LGSN: variants seen among roughly 807,000 people sequenced by gnomAD.
The protein encoded by LGSN is lengsin.
A neutral mutation model predicts 19.5 loss-of-function variants in LGSN; 21 were observed. That is an observed-to-expected ratio of 1.07 (90% CI 0.76 to 1.55). The LOEUF (loss-of-function observed/expected upper bound fraction) is 1.55. LGSN is among the 40% of genes most tolerant of loss of function. The pLI is 0.00. For missense variants in LGSN, 673 were observed against 608.5 expected (o/e 1.11, Z -1.12); for synonymous variants, 257 against 215.6 (o/e 1.19, Z -1.68).
At chr6:63,499,853 T>C in the LGSN span, among the ~76,000 whole-genome samples, 3 of 152,214 alleles carry the variant, frequency 2.0e-5, no homozygotes, top group Non-Finnish European at 2.9e-5. Flanking sequence ...GGTCTATATG[T>C]CCAATTTACA....
At chr6:63,511,771 T>C in the LGSN span, among the ~76,000 whole-genome samples, 3 of 152,334 alleles carry the variant, frequency 2.0e-5, 1 homozygote, top group Middle Eastern at 3.4e-3. Flanking sequence ...GTAATTTTTC[T>C]TATGCTTCTT....
the LGSN span, among the ~76,000 whole-genome samples, chr6:63,500,824 C>T: frequency 6.6e-6 from 1 of 151,686 alleles, no homozygotes; most frequent in African/African-American, 2.4e-5. Context: ...GCTTCCTGGG[C>T]TCAAGTGATT....
At chr6:63,436,002 GCT>G in the LGSN span, among the ~76,000 whole-genome samples, 1 of 150,102 alleles carries the variant, frequency 6.7e-6, no homozygotes, top group African/African-American at 2.5e-5. Context: ...CAGCCATACT[GCT>G]CTTTTTTGTG....
the LGSN span, chr6:63,550,295 A>G: frequency 2.0e-5 from 3 of 152,228 alleles, no homozygotes; most frequent in Admixed American, 1.3e-4. Flanking sequence ...AATGTAATCA[A>G]CCAGGGCAGT....
At chr6:63,505,811 C>T in the LGSN span, among the ~76,000 whole-genome samples, 8 of 152,050 alleles carry the variant, frequency 5.3e-5, no homozygotes, top group African/African-American at 1.7e-4. Flanking sequence ...AGGTGTGCAC[C>T]ACCACGCCCG....
the LGSN span, among the ~76,000 whole-genome samples, chr6:63,375,977 T>C: frequency 6.6e-6 from 1 of 152,162 alleles, no homozygotes; most frequent in African/African-American, 2.4e-5. Flanking sequence ...TTATTTTGCC[T>C]AGGGATTAAG....
At chr6:63,493,680 A>G in the LGSN span, among the ~76,000 whole-genome samples, 1 of 151,508 alleles carries the variant, frequency 6.6e-6, no homozygotes, top group South Asian at 2.1e-4. Context: ...TTCCTCAACC[A>G]TCTCTTCCTG....
chr6:63,424,586 C>T, the LGSN span, among the ~76,000 whole-genome samples: 1 of 151,256 alleles, frequency 6.6e-6, no homozygotes, highest in Non-Finnish European at 1.5e-5. Flanking sequence ...AATACATATC[C>T]AAGAAAGGAC....
At chr6:63,495,076 A>G in the LGSN span, among the ~76,000 whole-genome samples, 2 of 152,128 alleles carry the variant, frequency 1.3e-5, no homozygotes, top group Non-Finnish European at 2.9e-5. Flanking sequence ...ACTGTCCACT[A>G]TTGACACAGC....
chr6:63,383,900 C>G, the LGSN span, among the ~76,000 whole-genome samples: 9 of 152,104 alleles, frequency 5.9e-5, no homozygotes, highest in South Asian at 2.1e-4. Context: ...ATTGAGCCAC[C>G]CTTTCAAACT....
chr6:63,323,356 A>G (rs1270945385), upstream of LGSN, among the ~76,000 whole-genome samples: 2 of 152,098 alleles, frequency 1.3e-5, no homozygotes, highest in East Asian at 1.9e-4. Context: ...AATAGTATAC[A>G]TTGTACCTGT....
At chr6:63,368,163 G>A in the LGSN span, among the ~76,000 whole-genome samples, 6 of 151,914 alleles carry the variant, frequency 3.9e-5, no homozygotes, top group Non-Finnish European at 7.4e-5. Context: ...TTGACTTTTC[G>A]TTGTTTTTTC....
chr6:63,523,055 G>C, the LGSN span, among the ~76,000 whole-genome samples: 1 of 151,732 alleles, frequency 6.6e-6, no homozygotes, highest in African/African-American at 2.4e-5. Flanking sequence ...AGCAGACATG[G>C]GGTTTCACCT....
chr6:63,527,374 A>G, the LGSN span, among the ~76,000 whole-genome samples: 54 of 152,294 alleles, frequency 3.5e-4, no homozygotes, highest in East Asian at 0.01. Context: ...GACCTTGCAT[A>G]GAATATTGAC....
At chr6:63,385,526 T>C in the LGSN span, among the ~76,000 whole-genome samples, 1 of 152,242 alleles carries the variant, frequency 6.6e-6, no homozygotes, top group East Asian at 1.9e-4. Context: ...GCTAAGGCTG[T>C]TTCAGCAGTT....
the LGSN span, among the ~76,000 whole-genome samples, chr6:63,421,170 C>T: frequency 6.6e-6 from 1 of 151,802 alleles, no homozygotes; most frequent in Non-Finnish European, 1.5e-5. Flanking sequence ...GCCTGTAATC[C>T]CAGCATTTTG....
At chr6:63,499,162 C>T in the LGSN span, among the ~76,000 whole-genome samples, 3 of 152,040 alleles carry the variant, frequency 2.0e-5, no homozygotes, top group East Asian at 5.8e-4. Flanking sequence ...CCTGTTTAAG[C>T]CTTGTATAAC....
the LGSN span, among the ~76,000 whole-genome samples, chr6:63,522,153 T>A: frequency 6.6e-6 from 1 of 152,226 alleles, no homozygotes; most frequent in Non-Finnish European, 1.5e-5. Context: ...AATTTCCTTA[T>A]CCCAACTCTA....
chr6:63,388,326 A>T, the LGSN span, among the ~76,000 whole-genome samples: 1 of 152,198 alleles, frequency 6.6e-6, no homozygotes, highest in Non-Finnish European at 1.5e-5. Flanking sequence ...CTTCTTGATG[A>T]GAAAAGTGAG....
Sources: allele counts gnomAD v4.1 joint callset (sites outside exome capture counted in the v4.1 genomes callset), GRCh38; gene constraint gnomAD v4.1.1; transcripts MANE v1.5; gene names NCBI Gene and HGNC (gene_info 2026-07-23, HGNC 2026-07-21).